Variants in CDH2 observed in about 807,000 individuals in gnomAD.
CDH2 encodes cadherin 2.
Under a neutral mutation model 92.0 loss-of-function variants are expected in CDH2, and 17 were observed. The ratio of observed to expected loss-of-function variants is 0.18; its 90% CI spans 0.13 to 0.28. The LOEUF is 0.28. Among genes scored for constraint, CDH2 ranks in the 10% least tolerant of loss-of-function variants. The pLI, the probability that CDH2 is intolerant of heterozygous loss-of-function variation, is 1.00. For synonymous variants in CDH2, 419 were observed against 415.9 expected, an observed-to-expected ratio of 1.01 and a Z score of -0.09; for missense variants, 862 against 1,133.1, an observed-to-expected ratio of 0.76 and a Z score of 3.44.
intron 2 of CDH2, among the ~76,000 whole-genome samples, chr18:28,087,485 AACTCC>A (rs2014955116): frequency 6.6e-6 from 1 of 152,188 alleles, no homozygotes; most frequent in South Asian, 2.1e-4. Context: ...GCAGAGGCTG[AACTCC>A]ACTGGCATCG....
intron 14 of CDH2, among the ~76,000 whole-genome samples, chr18:27,964,532 C>T (rs1315314962): frequency 6.6e-6 from 1 of 152,164 alleles, no homozygotes; most frequent in Non-Finnish European, 1.5e-5. Flanking sequence ...TGTAGTTATG[C>T]TTTTCTTAGT....
chr18:27,992,588 G>C, intron 9 of CDH2, 67 bp downstream of exon 9: 1 of 1,309,062 alleles, frequency 7.6e-7, no homozygotes, highest in Non-Finnish European at 1.1e-6. Flanking sequence ...AAAACAATGA[G>C]TGGGGGACAT....
intron 14 of CDH2, among the ~76,000 whole-genome samples, chr18:27,967,030 C>G (rs1050658435): frequency 6.6e-6 from 1 of 152,186 alleles, no homozygotes; most frequent in Non-Finnish European, 1.5e-5. Flanking sequence ...GGTCCCATTG[C>G]TGAGAATCAT....
At chr18:28,018,163 C>CAA (rs368206125) in intron 2 of CDH2, among the ~76,000 whole-genome samples, 3,752 of 97,120 alleles carry the variant, frequency 0.039, 75 homozygotes, top group African/African-American at 0.07. Flanking sequence ...ACAATAGCTA[C>CAA]AAAAAAAAAA....
chr18:27,967,851 TACA>T (rs1567941654), intron 14 of CDH2, among the ~76,000 whole-genome samples: 1 of 152,228 alleles, frequency 6.6e-6, no homozygotes, highest in Non-Finnish European at 1.5e-5. Context: ...TGGAAAATGA[TACA>T]ACGAGTTTAA....
intron 6 of CDH2, 111 bp downstream of exon 6, chr18:28,005,738 G>C: frequency 4.4e-6 from 3 of 677,116 alleles, no homozygotes; most frequent in Non-Finnish European, 6.9e-6. Flanking sequence ...ATGAATGAAA[G>C]AAAAGGATCC....
At chr18:28,106,659 C>T (rs954252964) in intron 2 of CDH2, among the ~76,000 whole-genome samples, 1 of 152,070 alleles carries the variant, frequency 6.6e-6, no homozygotes, top group Non-Finnish European at 1.5e-5. Flanking sequence ...CACTTCTGTC[C>T]CATTTAATAG....
chr18:27,995,423 G>C (rs1050820374), intron 7 of CDH2, among the ~76,000 whole-genome samples: 4 of 151,936 alleles, frequency 2.6e-5, no homozygotes, highest in African/African-American at 7.3e-5. Context: ...TGGTTAGTGA[G>C]AGAATTTCGC....
downstream of CDH2, among the ~76,000 whole-genome samples, chr18:27,946,752 C>T (rs576918816): frequency 7.9e-5 from 12 of 151,954 alleles, no homozygotes; most frequent in Non-Finnish European, 1.3e-4. Flanking sequence ...AATATAGCAG[C>T]AAATAAAATA....
At chr18:28,108,209 C>T (rs529974926) in intron 2 of CDH2, among the ~76,000 whole-genome samples, 1 of 152,122 alleles carries the variant, frequency 6.6e-6, no homozygotes, top group African/African-American at 2.4e-5. Context: ...TAAATGGCCT[C>T]ATTTGCTTTG....
chr18:28,032,970 A>G (rs576690753), intron 2 of CDH2, among the ~76,000 whole-genome samples: 4 of 152,230 alleles, frequency 2.6e-5, no homozygotes, highest in African/African-American at 9.6e-5. Flanking sequence ...GAAAGGGCTT[A>G]AAAATAAGTA....
At chr18:27,998,764 A>G (rs1210216076) in intron 7 of CDH2, among the ~76,000 whole-genome samples, 3 of 151,932 alleles carry the variant, frequency 2.0e-5, no homozygotes, top group Non-Finnish European at 2.9e-5. Context: ...GATTACAGGC[A>G]TGCACCACCA....
chr18:27,958,501 TTA>T (rs34377781), intron 15 of CDH2, among the ~76,000 whole-genome samples: 6 of 150,118 alleles, frequency 4.0e-5, no homozygotes, highest in East Asian at 3.9e-4. Context: ...ATATACATAT[TTA>T]TATATGTATA....
intron 2 of CDH2, among the ~76,000 whole-genome samples, chr18:28,020,502 T>A (rs2013380822): frequency 6.6e-6 from 1 of 151,998 alleles, no homozygotes; most frequent in South Asian, 2.1e-4. Context: ...TAAGGAGAAA[T>A]ACATAGTCCA....
intron 6 of CDH2, among the ~76,000 whole-genome samples, chr18:27,945,928 G>C (rs1470327491): frequency 6.6e-6 from 1 of 152,164 alleles, no homozygotes; most frequent in African/African-American, 2.4e-5. Context: ...ACAATGAAGA[G>C]ATGGACATGC....
At chr18:28,004,195 C>A (rs1173992822) in intron 6 of CDH2, among the ~76,000 whole-genome samples, 1 of 152,094 alleles carries the variant, frequency 6.6e-6, no homozygotes, top group Admixed American at 6.5e-5. Context: ...TTTTTTATTT[C>A]TCTCCCCTAC....
chr18:27,969,187 C>G (rs1390624015), intron 14 of CDH2, among the ~76,000 whole-genome samples: 3 of 152,176 alleles, frequency 2.0e-5, no homozygotes, highest in African/African-American at 7.2e-5. Context: ...TTGCTAAAAG[C>G]TTTTTCTGGA....
chr18:27,985,809 T>A (rs758209051), intron 11 of CDH2, 48 bp from the exon 12 acceptor site: 1 of 1,079,100 alleles, frequency 9.3e-7, no homozygotes, highest in Non-Finnish European at 1.4e-6. Context: ...TTCTCTCCAA[T>A]GAGCCTCAAT....
intron 2 of CDH2, among the ~76,000 whole-genome samples, chr18:28,038,611 T>C (rs1263087823): frequency 6.6e-6 from 1 of 152,076 alleles, no homozygotes; most frequent in Non-Finnish European, 1.5e-5. Flanking sequence ...AGGAATCAAG[T>C]GAAATCTCTC....
Sources: gnomAD v4.1 joint callset for allele counts (sites outside exome capture counted in the v4.1 genomes callset) on GRCh38, gnomAD v4.1.1 for gene constraint, MANE v1.5 for transcripts, NCBI Gene and HGNC (gene_info 2026-07-23, HGNC 2026-07-21) for gene names.